NAALADL2: variants seen among roughly 807,000 people sequenced by gnomAD.
NAALADL2 encodes N-acetylated alpha-linked acidic dipeptidase like 2, also known as inactive N-acetylated-alpha-linked acidic dipeptidase-like protein 2.
NAALADL2 carries 76 observed loss-of-function variants against 87.2 expected under a neutral mutation model. The observed-to-expected ratio is 0.87, with a 90% CI of 0.72 to 1.05. The LOEUF is 1.05. NAALADL2 is among the 50% of genes least tolerant of loss of function. The probability of loss-of-function intolerance (pLI) is 0.00; values close to 1 mark genes in which losing one functional copy is unlikely to be tolerated. For missense variants in NAALADL2, 1,089 were observed against 945.8 expected, an observed-to-expected ratio of 1.15 and a Z score of -1.99; for synonymous variants, 354 against 331.0, an observed-to-expected ratio of 1.07 and a Z score of -0.75.
chr3:175,633,507 CAGA>C (rs1194705284), intron 11 of NAALADL2, among the ~76,000 whole-genome samples: 1 of 151,802 alleles, frequency 6.6e-6, no homozygotes, highest in African/African-American at 2.4e-5. Flanking sequence ...CTTGGAGTGC[CAGA>C]AGAAGTTCTA....
At chr3:175,792,040 C>CATCTCA (rs1275684547) in intron 13 of NAALADL2, among the ~76,000 whole-genome samples, 2 of 151,866 alleles carry the variant, frequency 1.3e-5, no homozygotes, top group Non-Finnish European at 2.9e-5. Context: ...ATAAATGGTA[C>CATCTCA]TTTGAAATGA....
intron 11 of NAALADL2, among the ~76,000 whole-genome samples, chr3:175,707,099 T>C (rs1426243307): frequency 6.6e-6 from 1 of 152,144 alleles, no homozygotes; most frequent in Non-Finnish European, 1.5e-5. Flanking sequence ...TAATTTTTAT[T>C]ATTAATAATA....
At chr3:174,586,446 G>A (rs1456868474) in intron 2 of NAALADL2, among the ~76,000 whole-genome samples, 3 of 152,176 alleles carry the variant, frequency 2.0e-5, no homozygotes, top group African/African-American at 7.2e-5. Context: ...GATGGCACCG[G>A]GTTCAACAGA....
rs978375451 is a variant in NAALADL2, at chr3:175,627,346, A to G, written c.1856A>G (p.Glu619Gly). The change falls in exon 11 of 14, where the codon GAA (glutamate) becomes GGA (glycine). Residue 619 changes from glutamate to glycine, a missense_variant. Coordinates refer to ENST00000454872, the MANE Select transcript of NAALADL2 (RefSeq NM_207015.3). The part of the protein sequence containing the change: ...RFSTRATKIE[E>G]MDPSFNLHET... ...TCTACACGAGCAACAAAAATTGAAG[A>G]AATGGATCCCTCTTTCAACCTTCAT... The G allele has an allele frequency of 4.5e-6, 7 of 1,572,902 alleles. No homozygotes were observed. Among genetic ancestry groups the G allele is most frequent in the Non-Finnish European group, 6.1e-6 (7 of 1,156,698 alleles).
intron 3 of NAALADL2, among the ~76,000 whole-genome samples, chr3:174,755,261 G>C (rs534644972): frequency 2.6e-5 from 4 of 151,964 alleles, no homozygotes; most frequent in African/African-American, 7.3e-5. Context: ...CCAAGGCCTC[G>C]TCAGCCATGC....
chr3:175,670,549 C>T (rs369560359), intron 11 of NAALADL2, among the ~76,000 whole-genome samples: 3 of 5,022 alleles, frequency 6.0e-4, no homozygotes, highest in African/African-American at 2.0e-3. Flanking sequence ...TATTATTTTA[C>T]ATTATATTAA....
chr3:174,515,794 G>T (rs1318823081), intron 1 of NAALADL2, among the ~76,000 whole-genome samples: 2 of 151,866 alleles, frequency 1.3e-5, no homozygotes, highest in Non-Finnish European at 2.9e-5. Context: ...GTGATTCAAG[G>T]TTATCTCAGG....
intron 1 of NAALADL2, among the ~76,000 whole-genome samples, chr3:174,486,251 A>C (rs907639972): frequency 6.6e-6 from 1 of 152,064 alleles, no homozygotes; most frequent in Non-Finnish European, 1.5e-5. Flanking sequence ...TCTCCTAAGG[A>C]TATACATTGT....
intron 1 of NAALADL2, among the ~76,000 whole-genome samples, chr3:174,472,923 G>C (rs1266816829): frequency 6.6e-6 from 1 of 152,064 alleles, no homozygotes. Flanking sequence ...CGTTCAATGA[G>C]TAGGAGATAC....
chr3:175,150,279 A>G (rs1220575715), intron 2 of NAALADL2, among the ~76,000 whole-genome samples: 1 of 152,304 alleles, frequency 6.6e-6, no homozygotes, highest in East Asian at 1.9e-4. Flanking sequence ...TACAAATAAA[A>G]TTTGATAGCA....
chr3:174,631,286 AT>A (rs1184486531), intron 2 of NAALADL2, among the ~76,000 whole-genome samples: 10 of 152,196 alleles, frequency 6.6e-5, no homozygotes, highest in African/African-American at 2.4e-4. Context: ...CTTTACCAAC[AT>A]TACCCTAACC....
At chr3:175,359,868 G>A (rs2148903680) in intron 5 of NAALADL2, among the ~76,000 whole-genome samples, 1 of 152,228 alleles carries the variant, frequency 6.6e-6, no homozygotes, top group East Asian at 1.9e-4. Context: ...AAAGGAGGGA[G>A]GAAGAGCAAG....
At chr3:174,642,765 TATATATATATATATATATATATA>T (rs1346740814) in intron 2 of NAALADL2, among the ~76,000 whole-genome samples, 5,188 of 47,032 alleles carry the variant, frequency 0.11, 379 homozygotes, top group African/African-American at 0.31. Flanking sequence ...TATATATATA[TATATATATATATATATATATATA>T]TGTTTTTTTT....
chr3:175,169,269 T>C (rs1437057359), intron 2 of NAALADL2, among the ~76,000 whole-genome samples: 1 of 151,742 alleles, frequency 6.6e-6, no homozygotes, highest in Non-Finnish European at 1.5e-5. Flanking sequence ...GTTATACCAA[T>C]ATTTTTCTCT....
At chr3:175,572,613 C>A (rs1288704548) in intron 9 of NAALADL2, among the ~76,000 whole-genome samples, 1 of 151,982 alleles carries the variant, frequency 6.6e-6, no homozygotes, top group Non-Finnish European at 1.5e-5. Context: ...TAATTATGTA[C>A]TTAAAAGAAA....
Position 175,576,081 on chromosome 3 carries a change from A to AAACC in NAALADL2, c.1697_1700dup (p.Ile568GlnfsTer10). On this transcript the variant is annotated frameshift_variant, in exon 10 of 14. Transcript: ENST00000454872. LOFTEE classifies it high-confidence loss of function. ...TGTACCAGAAGAGCCCAGTGCCCAG[A>AAACC]AACCAATATCAGTTCTATACAGATA... The AAACC allele has an allele frequency of 6.2e-7, 1 of 1,613,380 alleles. No homozygotes were observed. Among genetic ancestry groups the AAACC allele is most frequent in the South Asian group, 1.1e-5 (1 of 90,968 alleles).
intron 5 of NAALADL2, among the ~76,000 whole-genome samples, chr3:175,336,130 T>C (rs1761947629): frequency 6.6e-6 from 1 of 152,040 alleles, no homozygotes; most frequent in Non-Finnish European, 1.5e-5. Context: ...GAAGCTTCTT[T>C]TTTTTTCCAC....
At chr3:175,739,863 C>T (rs1375944939) in intron 12 of NAALADL2, among the ~76,000 whole-genome samples, 2 of 152,114 alleles carry the variant, frequency 1.3e-5, no homozygotes, top group East Asian at 3.9e-4. Flanking sequence ...TAATATCAAT[C>T]ACTAAATGCC....
chr3:174,648,600 T>G (rs1329663232), intron 2 of NAALADL2, among the ~76,000 whole-genome samples: 1 of 152,148 alleles, frequency 6.6e-6, no homozygotes, highest in Non-Finnish European at 1.5e-5. Context: ...AGCACTATCT[T>G]ATTCTTGGGC....
Sources: gnomAD v4.1 joint callset for allele counts (sites outside exome capture counted in the v4.1 genomes callset) on GRCh38, gnomAD v4.1.1 for gene constraint, MANE v1.5 for transcripts, NCBI Gene and HGNC (gene_info 2026-07-23, HGNC 2026-07-21) for gene names.